The following PIGZ variants were observed in gnomAD, a reference collection of about 807,000 sequenced individuals.
PIGZ encodes GPI alpha-1,2-mannosyltransferase 4.
In PIGZ, 16 loss-of-function variants were observed where a neutral mutation model predicts 16.4. That is an observed-to-expected ratio of 0.97 (90% CI 0.66 to 1.48). PIGZ has a LOEUF of 1.48. PIGZ is among the 40% of genes most tolerant of loss of function. The pLI, the probability that PIGZ is intolerant of heterozygous loss-of-function variation, is 0.00. For missense variants in PIGZ, 770 were observed against 739.2 expected, an observed-to-expected ratio of 1.04 and a Z score of -0.48; for synonymous variants, 409 against 338.4, an observed-to-expected ratio of 1.21 and a Z score of -2.29.
intron 1 of PIGZ, among the ~76,000 whole-genome samples, chr3:196,960,486 A>G (rs1344320195): frequency 1.3e-5 from 2 of 152,104 alleles, no homozygotes; most frequent in Non-Finnish European, 1.5e-5. Flanking sequence ...AGCCTGGCCA[A>G]CATGGTGAAA....
At chr3:196,967,889 T>C (rs1451215721) in intron 1 of PIGZ, among the ~76,000 whole-genome samples, 1 of 152,366 alleles carries the variant, frequency 6.6e-6, no homozygotes, top group East Asian at 1.9e-4. Flanking sequence ...AGTGCGCCTC[T>C]GCAAAGTGGG....
At chr3:196,950,744 C>CTTTTTTTTTTTTTTTTTTTTTTTT (rs35150164) in intron 2 of PIGZ, among the ~76,000 whole-genome samples, 2 of 145,604 alleles carry the variant, frequency 1.4e-5, no homozygotes, top group African/African-American at 2.6e-5. Flanking sequence ...CTTCATTAGA[C>CTTTTTTTTTTTTTTTTTTTTTTTT]TTTTTTTTTT....
intron 1 of PIGZ, among the ~76,000 whole-genome samples, chr3:196,954,018 C>T (rs1717388560): frequency 6.7e-6 from 1 of 149,642 alleles, no homozygotes; most frequent in African/African-American, 2.5e-5. Context: ...TGCGGTGGCT[C>T]ACACCTGGAA....
chr3:196,968,192 C>T (rs1343496937), intron 1 of PIGZ, among the ~76,000 whole-genome samples: 1 of 152,168 alleles, frequency 6.6e-6, no homozygotes, highest in Non-Finnish European at 1.5e-5. Context: ...AGGCCTGGCC[C>T]GAAGTGCAGC....
chr3:196,947,193 G>A lies in PIGZ; in HGVS notation c.1704C>T (p.Leu568=). 1 of 1,576,570 alleles carries A rather than the reference G, an allele frequency of 6.3e-7. No homozygotes were observed. Residue 568 remains leucine, a synonymous_variant, in exon 3 of 3, where the codon CTC becomes CTT. Coordinates refer to ENST00000412723, the MANE Select transcript of PIGZ (RefSeq NM_025163.4). The stretch of plus-strand genomic sequence containing the variant: ...CCCCCAGCTCCACAATGTGAAGACT[G>A]AGGTGGTCCCTCCAAGCCCCACTCA... ...SLLSGAWRDH[L]SLHIVELGEE...
At chr3:196,962,653 TCTTTACTGCACGGCAATACTG>T (rs1717766076) in intron 1 of PIGZ, among the ~76,000 whole-genome samples, 5 of 117,478 alleles carry the variant, frequency 4.3e-5, no homozygotes, top group African/African-American at 1.9e-4. Flanking sequence ...GCAATACTGA[TCTTTACTGCACGGCAATACTG>T]ATCTTTACTG....
chr3:196,954,877 T>C (rs1386502678), intron 1 of PIGZ, among the ~76,000 whole-genome samples: 2 of 152,214 alleles, frequency 1.3e-5, no homozygotes, highest in Non-Finnish European at 2.9e-5. Context: ...TTACTGGATA[T>C]GGAGTTCTAT....
intron 1 of PIGZ, among the ~76,000 whole-genome samples, chr3:196,964,621 C>T (rs1326648356): frequency 6.6e-6 from 1 of 152,216 alleles, no homozygotes; most frequent in Middle Eastern, 3.2e-3. Context: ...TCCCAAAGTG[C>T]TGGGATTACA....
At chr3:196,960,648 G>A (rs925078850) in intron 1 of PIGZ, among the ~76,000 whole-genome samples, 4 of 150,198 alleles carry the variant, frequency 2.7e-5, no homozygotes, top group East Asian at 1.9e-4. Context: ...CATCCTGGGC[G>A]ATAGAGCAAG....
intron 2 of PIGZ, among the ~76,000 whole-genome samples, chr3:196,948,933 A>ACTTCTCTTCCCCTCCCCTCC (rs1560181010): frequency 2.5e-4 from 1 of 4,062 alleles, no homozygotes. Flanking sequence ...CCTTCCCTTT[A>ACTTCTCTTCCCCTCCCCTCC]CTTCCCTTCC....
In PIGZ at chr3:196,947,800, G is replaced by T. The variant is rs768031853; in HGVS notation, c.1097C>A (p.Pro366His). ...ALGARSLLSS[P>H]RSYLLLLYFM... ...GTAGAGGAGAAGGAGATAGGACCTG[G>T]GGCTGGACAGCAGGCTCCGGGCACC... Residue 366 changes from proline to histidine, a missense_variant, in exon 3 of 3, where the codon CCC becomes CAC. Pro to His is a moderately conservative substitution (Grantham distance 77). Transcript: ENST00000412723. 1 of 1,608,128 alleles carries T rather than the reference G, an allele frequency of 6.2e-7. No homozygotes were observed. The highest frequency in any genetic ancestry group is 8.5e-7 in the Non-Finnish European group (1 of 1,176,214).
intron 1 of PIGZ, among the ~76,000 whole-genome samples, chr3:196,967,109 C>T (rs1490931726): frequency 1.3e-5 from 2 of 149,660 alleles, no homozygotes; most frequent in Non-Finnish European, 3.0e-5. Flanking sequence ...CTGTGCTGGG[C>T]GCGGGGGGAG....
intron 1 of PIGZ, among the ~76,000 whole-genome samples, chr3:196,960,499 C>T (rs577281906): frequency 6.6e-6 from 1 of 152,078 alleles, no homozygotes; most frequent in South Asian, 2.1e-4. Context: ...TGGTGAAACC[C>T]TGTCTCTACT....
In PIGZ at chr3:196,966,538, C is replaced by T. The variant is rs1222516381; in HGVS notation, c.-1+2149G>A. The stretch of plus-strand genomic sequence containing the variant: ...CCAGGCATGGAGTCCCTTTGAGATT[C>T]ATCTCCAGCCTGGGTGGGCCCACTG... On this transcript the variant is annotated intron_variant, in intron 1 of 2. Transcript: ENST00000412723. Among the ~76,000 whole-genome samples, 3 of 152,226 alleles carry T rather than the reference C, an allele frequency of 2.0e-5. No homozygotes were observed. In the East Asian group the frequency reaches 5.8e-4, roughly 29 times the overall value.
At chr3:196,949,356 A>G (rs1358050139) in intron 2 of PIGZ, among the ~76,000 whole-genome samples, 2 of 152,186 alleles carry the variant, frequency 1.3e-5, no homozygotes, top group African/African-American at 2.4e-5. Flanking sequence ...CACCAGCTGG[A>G]CGCAGAAGTG....
Position 196,947,861 on chromosome 3 carries a change from G to C in PIGZ, c.1036C>G (p.Gln346Glu). 3 of 1,613,854 alleles carry C rather than the reference G, an allele frequency of 1.9e-6. No homozygotes were observed. The highest frequency in any genetic ancestry group is 2.5e-6 in the Non-Finnish European group (3 of 1,179,812). The change falls in exon 3 of 3, where the codon CAG becomes GAG. Residue 346 changes from glutamine (Q) to glutamate (E), a missense_variant. By Grantham distance (29) the Gln-to-Glu change is conservative. Transcript: ENST00000412723. ...AAWQRLQVGL[Q>E]ASAQMGLLRA... The stretch of plus-strand genomic sequence containing the variant: ...AGGAGGCCCATTTGTGCAGAGGCCT[G>C]GAGGCCGACTTGCAGCCGTTGCCAC...
intron 1 of PIGZ, among the ~76,000 whole-genome samples, chr3:196,962,060 G>C (rs1335708339): frequency 6.6e-6 from 1 of 152,158 alleles, no homozygotes; most frequent in East Asian, 1.9e-4. Context: ...AAGAAAGAGA[G>C]ATCAGACTGT....
At chr3:196,951,552 T>C (rs1054252429) in intron 2 of PIGZ, 4 of 517,046 alleles carry the variant, frequency 7.7e-6, no homozygotes, top group African/African-American at 3.8e-5. Context: ...GCTCTCATTC[T>C]GAATGACCTG....
intron 2 of PIGZ, 86 bp from the exon 3 acceptor site, chr3:196,948,771 C>T: frequency 9.7e-7 from 1 of 1,029,338 alleles, no homozygotes; most frequent in Non-Finnish European, 1.4e-6. Context: ...ATTTCCCACC[C>T]CTTGGTGTGT....
Sources: allele counts gnomAD v4.1 joint callset (sites outside exome capture counted in the v4.1 genomes callset), GRCh38; gene constraint gnomAD v4.1.1; transcripts MANE v1.5; gene names NCBI Gene and HGNC (gene_info 2026-07-23, HGNC 2026-07-21).